Variants in LYPD6 observed in about 807,000 individuals in gnomAD.
The protein encoded by LYPD6 is ly6/PLAUR domain-containing protein 6.
A neutral mutation model predicts 22.7 loss-of-function variants in LYPD6; 15 were observed. The ratio of observed to expected loss-of-function variants is 0.66; its 90% CI spans 0.44 to 1.02. The LOEUF (loss-of-function observed/expected upper bound fraction) is 1.02, where lower values mean the gene tolerates loss of function less well. Ranked by LOEUF, LYPD6 falls within the 50% of genes least tolerant of loss-of-function variation. The probability of loss-of-function intolerance (pLI) is 0.00; values close to 1 mark genes in which losing one functional copy is unlikely to be tolerated. For synonymous variants in LYPD6, 72 were observed against 77.5 expected, an observed-to-expected ratio of 0.93 and a Z score of 0.37; for missense variants, 189 against 208.4, an observed-to-expected ratio of 0.91 and a Z score of 0.57.
intron 1 of LYPD6, among the ~76,000 whole-genome samples, chr2:149,345,528 G>C (rs975465583): frequency 4.6e-5 from 7 of 151,030 alleles, no homozygotes; most frequent in African/African-American, 1.7e-4. Context: ...TGTTAGCCAG[G>C]ACAGTTTTGA....
chr2:149,453,063 T>C (rs748501739), intron 3 of LYPD6, among the ~76,000 whole-genome samples: 1 of 152,254 alleles, frequency 6.6e-6, no homozygotes, highest in Non-Finnish European at 1.5e-5. Flanking sequence ...TTGCTTTACT[T>C]GCTTGGCTTC....
chr2:149,377,425 G>C (rs1681949032), intron 1 of LYPD6, among the ~76,000 whole-genome samples: 1 of 152,164 alleles, frequency 6.6e-6, no homozygotes, highest in Non-Finnish European at 1.5e-5. Context: ...ACTTCTCCCA[G>C]ATGTAGGCTC....
At chr2:149,367,034 T>C (rs551403315) in intron 1 of LYPD6, among the ~76,000 whole-genome samples, 1 of 151,708 alleles carries the variant, frequency 6.6e-6, no homozygotes, top group East Asian at 2.0e-4. Context: ...AAACAAAAGT[T>C]TTTTTTTTCT....
chr2:149,398,443 G>A (rs935438571), intron 1 of LYPD6, among the ~76,000 whole-genome samples: 1 of 148,904 alleles, frequency 6.7e-6, no homozygotes, highest in Admixed American at 6.7e-5. Context: ...GTGTGTGTGT[G>A]TGTGTATGTG....
the LYPD6 span, among the ~76,000 whole-genome samples, chr2:149,481,379 T>G: frequency 6.6e-6 from 1 of 152,218 alleles, no homozygotes; most frequent in South Asian, 2.1e-4. Flanking sequence ...CAACATAAAT[T>G]GTTAAAGCTC....
chr2:149,368,839 G>A (rs894896312), intron 1 of LYPD6, among the ~76,000 whole-genome samples: 2 of 152,144 alleles, frequency 1.3e-5, no homozygotes, highest in Non-Finnish European at 2.9e-5. Context: ...TGGTTGTGGA[G>A]CGGGAAACAG....
chr2:149,459,585 A>G (rs1681041086), intron 3 of LYPD6, among the ~76,000 whole-genome samples: 1 of 152,180 alleles, frequency 6.6e-6, no homozygotes, highest in African/African-American at 2.4e-5. Flanking sequence ...GGTTCTAAAT[A>G]TATTGTAGAG....
the LYPD6 span, among the ~76,000 whole-genome samples, chr2:149,481,127 G>A: frequency 6.6e-6 from 1 of 152,146 alleles, no homozygotes; most frequent in African/African-American, 2.4e-5. Context: ...TCCCAGCATG[G>A]AGAATAGTGC....
chr2:149,386,937 C>G (rs574653584), intron 1 of LYPD6, among the ~76,000 whole-genome samples: 1 of 152,158 alleles, frequency 6.6e-6, no homozygotes, highest in Non-Finnish European at 1.5e-5. Context: ...AATCATGGCT[C>G]ACACACCAGC....
intron 1 of LYPD6, among the ~76,000 whole-genome samples, chr2:149,403,140 T>C (rs1299196372): frequency 6.6e-6 from 1 of 152,118 alleles, no homozygotes; most frequent in Non-Finnish European, 1.5e-5. Context: ...TTGTTGGACA[T>C]TTGGGTTGGT....
chr2:149,386,972 T>C (rs1682201600), intron 1 of LYPD6, among the ~76,000 whole-genome samples: 1 of 152,128 alleles, frequency 6.6e-6, no homozygotes, highest in Admixed American at 6.5e-5. Context: ...GTTATGAAAA[T>C]GGAGCACTCT....
chr2:149,408,684 C>T (rs182211794), intron 1 of LYPD6, among the ~76,000 whole-genome samples: 58 of 152,236 alleles, frequency 3.8e-4, no homozygotes, highest in Middle Eastern at 3.4e-3. Context: ...TTCTTCTGCT[C>T]GTTTGATACT....
Position 149,331,616 on chromosome 2 carries a change from GTTATAA to G in LYPD6, c.-72+896_-72+901del, listed in dbSNP as rs534084986. 1.2e-3 allele frequency among the ~76,000 whole-genome samples: 185 copies of G among 151,976 alleles called. 1 individual carries two copies. Among genetic ancestry groups the G allele is most frequent in the Admixed American group, 1.8e-3 (27 of 15,260 alleles). The stretch of plus-strand genomic sequence containing the variant: ...GTTTCCTAGAGGACTCCAAAGACTT[GTTATAA>G]TGGGATCGGGGGAGAGAATTGGGTG... On this transcript the variant is annotated intron_variant, in intron 1 of 4. Coordinates refer to ENST00000334166, the MANE Select transcript of LYPD6 (RefSeq NM_194317.5).
intron 1 of LYPD6, among the ~76,000 whole-genome samples, chr2:149,357,865 AACCTCCACCTTC>A (rs1265922875): frequency 6.7e-6 from 1 of 149,074 alleles, no homozygotes; most frequent in Admixed American, 6.7e-5. Flanking sequence ...GGCTCATTTC[AACCTCCACCTTC>A]CAGGTTCAAG....
At position 149,357,216 on chromosome 2, in the gene LYPD6, A is replaced by G. The variant is rs555020983; in HGVS notation, c.-72+26494A>G. Among the ~76,000 whole-genome samples the G allele has an allele frequency of 9.2e-5, 14 of 152,328 alleles. No homozygotes were observed. In the South Asian group the frequency reaches 2.7e-3, roughly 29 times the overall value. ...ATTGAATTAGATTTTTCTTCTACTG[A>G]AGAGAGCTTTATGAGCTTTAACTTC... On this transcript the variant is annotated intron_variant, in intron 1 of 4. Transcript: ENST00000334166.
chr2:149,407,837 C>T (rs905926940), intron 1 of LYPD6, among the ~76,000 whole-genome samples: 3 of 151,984 alleles, frequency 2.0e-5, no homozygotes, highest in African/African-American at 2.4e-5. Context: ...AGTTTTTCTG[C>T]TCTGTTTTTT....
intron 1 of LYPD6, among the ~76,000 whole-genome samples, chr2:149,339,209 A>G (rs898591679): frequency 6.6e-6 from 1 of 152,190 alleles, no homozygotes; most frequent in Admixed American, 6.5e-5. Flanking sequence ...GACTACGTAT[A>G]ACCAGAAGGC....
At chr2:149,464,054 A>G in intron 3 of LYPD6, 1 of 398,938 alleles carries the variant, frequency 2.5e-6, no homozygotes, top group Non-Finnish European at 4.9e-6. Context: ...ATCTCCTATT[A>G]TTAATATTCC....
At chr2:149,425,524 G>A (rs1335169584) in intron 1 of LYPD6, among the ~76,000 whole-genome samples, 1 of 152,120 alleles carries the variant, frequency 6.6e-6, no homozygotes, top group African/African-American at 2.4e-5. Context: ...CTCTAAGAAA[G>A]AAATTAATTT....
Sources: gnomAD v4.1 joint callset for allele counts (sites outside exome capture counted in the v4.1 genomes callset) on GRCh38, gnomAD v4.1.1 for gene constraint, MANE v1.5 for transcripts, NCBI Gene and HGNC (gene_info 2026-07-23, HGNC 2026-07-21) for gene names.